Variants in ANKMY2 observed in about 807,000 individuals in gnomAD.
The protein encoded by ANKMY2 is ankyrin repeat and MYND domain containing 2, also known as ankyrin repeat and MYND domain-containing protein 2.
A neutral mutation model predicts 50.4 loss-of-function variants in ANKMY2; 36 were observed. The ratio of observed to expected loss-of-function variants is 0.71; its 90% confidence interval spans 0.55 to 0.94. ANKMY2 has a LOEUF of 0.94. Among genes scored for constraint, ANKMY2 ranks in the 40% least tolerant of loss-of-function variants. ANKMY2 has a pLI of 0.00. For missense variants in ANKMY2, 565 were observed against 524.0 expected, an observed-to-expected ratio of 1.08 and a Z score of -0.76; for synonymous variants, 187 against 178.8, an observed-to-expected ratio of 1.05 and a Z score of -0.36.
At chr7:16,645,398 A>G (rs748019214) in intron 1 of ANKMY2, 109 bp downstream of exon 1, 108 of 1,105,548 alleles carry the variant, frequency 9.8e-5, no homozygotes, top group Non-Finnish European at 1.3e-4. Flanking sequence ...CAGGCTGCAA[A>G]CCTTGCAGAA....
intron 7 of ANKMY2, among the ~76,000 whole-genome samples, chr7:16,606,860 G>C (rs1461662798): frequency 1.3e-5 from 2 of 152,186 alleles, no homozygotes; most frequent in African/African-American, 4.8e-5. Context: ...TCACATGAAA[G>C]TGCTACGAAT....
chr7:16,601,345 T>C (rs1476137635), intron 9 of ANKMY2, among the ~76,000 whole-genome samples: 4 of 152,248 alleles, frequency 2.6e-5, no homozygotes, highest in African/African-American at 7.2e-5. Flanking sequence ...CTATCCTACA[T>C]TGGTGAAGAA....
chr7:16,616,295 A>AT (rs1332715087), intron 4 of ANKMY2, among the ~76,000 whole-genome samples: 1 of 152,152 alleles, frequency 6.6e-6, no homozygotes. Flanking sequence ...TTTACACAAA[A>AT]TTTAAATTTA....
At chr7:16,604,249 G>A (rs1781118102) in intron 8 of ANKMY2, among the ~76,000 whole-genome samples, 1 of 152,202 alleles carries the variant, frequency 6.6e-6, no homozygotes, top group Admixed American at 6.5e-5. Context: ...GCAGAAGGGG[G>A]CAGTACAGTC....
chr7:16,626,939 C>A (rs1781514568), intron 3 of ANKMY2, 101 bp downstream of exon 3: 1 of 1,049,598 alleles, frequency 9.5e-7, no homozygotes, highest in Non-Finnish European at 1.3e-6. Context: ...AAAACTTGAC[C>A]ATAAAATTAC....
Position 16,627,125 on chromosome 7 carries a change from G to A in ANKMY2, c.186C>T (p.Cys62=). 6.2e-7 allele frequency: 1 copy of A among 1,611,486 alleles called. No individual in the cohort carries two copies. Among genetic ancestry groups the A allele is most frequent in the Non-Finnish European group, 8.5e-7 (1 of 1,178,378 alleles). ...CGGCTCCATGTCGCAGTAGTAATTT[G>A]CACATATCGAGTTTTCCTTTATATG... The part of the protein sequence containing the change: ...HAAYKGKLDM[C]KLLLRHGADV... Residue 62 remains cysteine (C), a synonymous_variant, in exon 3 of 10, where the codon TGC becomes TGT. Coordinates refer to ENST00000306999, the MANE Select transcript of ANKMY2 (RefSeq NM_020319.3).
intron 1 of ANKMY2, among the ~76,000 whole-genome samples, chr7:16,641,806 C>T (rs1052430441): frequency 2.0e-5 from 3 of 152,030 alleles, no homozygotes; most frequent in African/African-American, 7.2e-5. Context: ...AAAAAGGATA[C>T]TTATTGTATG....
At chr7:16,632,060 C>T (rs148404451) in intron 2 of ANKMY2, among the ~76,000 whole-genome samples, 243 of 151,080 alleles carry the variant, frequency 1.6e-3, no homozygotes, top group Middle Eastern at 6.9e-3. Context: ...TCCCTCCCTC[C>T]CTCCTTCTCT....
chr7:16,604,873 A>G (rs891935829), intron 7 of ANKMY2, 24 bp from the exon 8 acceptor site: 5 of 1,592,016 alleles, frequency 3.1e-6, no homozygotes, highest in Non-Finnish European at 4.3e-6. Context: ...GAAGAGGAGA[A>G]AAAACAAATT....
intron 5 of ANKMY2, among the ~76,000 whole-genome samples, chr7:16,614,235 A>G (rs1781304905): frequency 6.6e-6 from 1 of 152,144 alleles, no homozygotes; most frequent in Non-Finnish European, 1.5e-5. Context: ...GCTGGGAGGG[A>G]GAGAAACAGT....
intron 1 of ANKMY2, among the ~76,000 whole-genome samples, chr7:16,645,047 C>A (rs1343783375): frequency 6.6e-6 from 1 of 152,124 alleles, no homozygotes; most frequent in Non-Finnish European, 1.5e-5. Flanking sequence ...AGGGCGCCCT[C>A]CACTCCCAAG....
In ANKMY2 at chr7:16,636,725, G is replaced by A. The variant is rs142759183; in HGVS notation, c.68-270C>T. The stretch of plus-strand genomic sequence containing the variant: ...TTACATTGGCCACATTTTCCTTTTG[G>A]CGGTAATACAATAACCACAAAGCAT... On this transcript the variant is annotated intron_variant, in intron 1 of 9. Coordinates refer to ENST00000306999, the MANE Select transcript of ANKMY2 (RefSeq NM_020319.3). Among the ~76,000 whole-genome samples the A allele has an allele frequency of 2.0e-5, 3 of 151,804 alleles. No individual in the cohort carries two copies. In the East Asian group the frequency reaches 5.8e-4, roughly 29 times the overall value.
At position 16,627,058 on chromosome 7, in the gene ANKMY2, T is replaced by C. The variant is rs973446768; in HGVS notation, c.253A>G (p.Met85Val). The part of the protein sequence containing the change: ...HQHEHGYTAL[M>V]FAALSGNKDI... ...ACTTCACCAGAAAGTGCAGCAAACA[T>C]GAGGGCTGTGTATCCATGTTCATGC... The change falls in exon 3 of 10, where the codon ATG becomes GTG. Residue 85 changes from methionine to valine, a missense_variant. Coordinates refer to ENST00000306999, the MANE Select transcript of ANKMY2 (RefSeq NM_020319.3). The C allele has an allele frequency of 6.2e-7, 1 of 1,605,642 alleles. No homozygotes were observed. Among genetic ancestry groups the C allele is most frequent in the African/African-American group, 1.3e-5 (1 of 74,782 alleles).
intron 3 of ANKMY2, among the ~76,000 whole-genome samples, chr7:16,625,629 C>T (rs1225109801): frequency 6.6e-6 from 1 of 152,122 alleles, no homozygotes; most frequent in Non-Finnish European, 1.5e-5. Flanking sequence ...AAGTATTTTC[C>T]ATTCATTTTC....
chr7:16,607,957 T>A (rs1438882157), intron 7 of ANKMY2, among the ~76,000 whole-genome samples: 4 of 152,148 alleles, frequency 2.6e-5, no homozygotes, highest in African/African-American at 9.7e-5. Flanking sequence ...TGGGAGAGCT[T>A]ATGTTTTCCA....
Position 16,626,103 on chromosome 7 carries a change from C to A in ANKMY2, c.271+937G>T, listed in dbSNP as rs578164453. On this transcript the variant is annotated intron_variant, in intron 3 of 9. Coordinates refer to ENST00000306999, the MANE Select transcript of ANKMY2 (RefSeq NM_020319.3). ...CTCAAAAATCCTCCTGCCACAGCCT[C>A]CTGAGTAGCTGGCACCACAGACGTG... 2.4e-3 allele frequency among the ~76,000 whole-genome samples: 368 copies of A among 151,584 alleles called. 2 individuals are homozygous for A. The highest frequency in any genetic ancestry group is 4.4e-3 in the Non-Finnish European group (297 of 67,906).
intron 2 of ANKMY2, among the ~76,000 whole-genome samples, chr7:16,627,661 A>C (rs1406245819): frequency 6.6e-6 from 1 of 152,230 alleles, no homozygotes; most frequent in Non-Finnish European, 1.5e-5. Flanking sequence ...ATTTTTCACA[A>C]ATTATTGTCA....
At chr7:16,606,758 A>G (rs560055427) in intron 7 of ANKMY2, among the ~76,000 whole-genome samples, 39 of 152,376 alleles carry the variant, frequency 2.6e-4, no homozygotes, top group African/African-American at 8.7e-4. Flanking sequence ...CAAAGAAAAT[A>G]TTCAAAGATT....
chr7:16,638,183 T>C (rs757344956), intron 1 of ANKMY2, among the ~76,000 whole-genome samples: 28 of 152,224 alleles, frequency 1.8e-4, no homozygotes, highest in Non-Finnish European at 1.3e-4. Flanking sequence ...CAATGGGGTA[T>C]CCTATAATTT....
Sources: allele counts gnomAD v4.1 joint callset (sites outside exome capture counted in the v4.1 genomes callset), GRCh38; gene constraint gnomAD v4.1.1; transcripts MANE v1.5; gene names NCBI Gene and HGNC (gene_info 2026-07-23, HGNC 2026-07-21).